The following FRK variants were observed in gnomAD, a reference collection of about 807,000 sequenced individuals.
The protein encoded by FRK is tyrosine-protein kinase FRK.
In FRK, 51 loss-of-function variants were observed where a neutral mutation model predicts 56.4. That is an observed-to-expected ratio of 0.90 (90% CI 0.72 to 1.14). The LOEUF is 1.14. Ranked by LOEUF, FRK falls within the 50% of genes most tolerant of loss-of-function variation. FRK has a pLI of 0.00. For synonymous variants in FRK, 245 were observed against 217.9 expected (o/e 1.12, Z -1.10); for missense variants, 570 against 601.4 (o/e 0.95, Z 0.55).
chr6:116,068,794 G>A, the FRK span, among the ~76,000 whole-genome samples: 2 of 151,412 alleles, frequency 1.3e-5, no homozygotes, highest in Admixed American at 6.6e-5. Flanking sequence ...TTTCTTTACT[G>A]ATCTGAGTTC....
chr6:116,082,542 A>C, the FRK span, among the ~76,000 whole-genome samples: 2 of 152,182 alleles, frequency 1.3e-5, no homozygotes, highest in Non-Finnish European at 2.9e-5. Context: ...GATTCTGGAT[A>C]TATGTTTAAA....
At position 115,958,644 on chromosome 6, in the gene FRK, A is replaced by AAAAG. The variant is rs1171075326; in HGVS notation, c.800-2038_800-2035dup. On this transcript the variant is annotated intron_variant, in intron 4 of 7. Transcript: ENST00000606080. ...CTCTGTCTCAAAAAAGGAAAGAAAG[A>AAAAG]AAAGAAAGAAAGAAAGAAAGAAAGA... Among the ~76,000 whole-genome samples the AAAAG allele has an allele frequency of 3.4e-3, 13 of 3,814 alleles. 1 individual carries two copies. Among genetic ancestry groups the AAAAG allele is most frequent in the African/African-American group, 8.0e-3 (11 of 1,376 alleles). 2.5% of individuals were successfully genotyped at this position (3,814 alleles called of 152,430 possible).
chr6:115,932,828 A>T lies in FRK; in HGVS notation c.*9586T>A. 6.6e-6 allele frequency: 1 copy of T among 152,330 alleles called. No individual in the cohort carries two copies. The allele number at this position is 152,330 out of a possible 1,614,324, so 9.4% of individuals were successfully genotyped here. ...TCCTTTAGGCCTCCACAGAGTCGGA[A>T]GAGTTTGGGCCCCTCCTGGTTCATT... On this transcript the variant is annotated 3_prime_UTR_variant, in exon 8 of 8. Coordinates refer to ENST00000606080, the MANE Select transcript of FRK (RefSeq NM_002031.3).
In FRK at chr6:116,046,176, G is replaced by A. The variant is rs182219373; in HGVS notation, c.344+13792C>T. Among the ~76,000 whole-genome samples, 140 of 152,314 alleles carry A rather than the reference G, an allele frequency of 9.2e-4. 2 individuals carry two copies. The South Asian group carries it at 0.013, about 14-fold the overall frequency. The stretch of plus-strand genomic sequence containing the variant: ...TGGAGAAATAGGAATGCTTTACACC[G>A]TTGGTGGGAGTCTACATTAGTTCAA... On this transcript the variant is annotated intron_variant, in intron 1 of 7. Transcript: ENST00000606080.
intron 2 of FRK, among the ~76,000 whole-genome samples, chr6:115,996,445 A>G (rs1183491785): frequency 6.6e-6 from 1 of 152,176 alleles, no homozygotes; most frequent in Admixed American, 6.6e-5. Flanking sequence ...TGGCAGAGAC[A>G]TAGAGGGTCA....
At chr6:116,052,396 C>T (rs1777213138) in intron 1 of FRK, among the ~76,000 whole-genome samples, 1 of 151,986 alleles carries the variant, frequency 6.6e-6, no homozygotes, top group African/African-American at 2.4e-5. Flanking sequence ...CTGTGGGCTG[C>T]TCTTTAAAAG....
At chr6:115,944,159 A>G in intron 6 of FRK, 85 bp downstream of exon 6, 1 of 1,121,914 alleles carries the variant, frequency 8.9e-7, no homozygotes, top group South Asian at 1.7e-5. Flanking sequence ...ACATTGTTTT[A>G]AAGAATAACA....
intron 1 of FRK, among the ~76,000 whole-genome samples, chr6:116,056,804 T>C (rs1349540576): frequency 6.6e-6 from 1 of 152,202 alleles, no homozygotes; most frequent in African/African-American, 2.4e-5. Context: ...TAAATTCAAG[T>C]CGAAGATAAG....
intron 1 of FRK, among the ~76,000 whole-genome samples, chr6:116,054,235 A>T (rs956784467): frequency 6.6e-6 from 1 of 150,586 alleles, no homozygotes; most frequent in African/African-American, 2.4e-5. Flanking sequence ...ATTTTACATC[A>T]TCATAAATAA....
In FRK at chr6:115,942,323, T is replaced by G. The variant is rs1772216225; in HGVS notation, c.*91A>C. The G allele has an allele frequency of 9.6e-7, 1 of 1,044,752 alleles. No homozygotes were observed. The highest frequency in any genetic ancestry group is 1.9e-5 in the Admixed American group (1 of 52,840). 64.7% of individuals were successfully genotyped at this position (1,044,752 alleles called of 1,614,324 possible). ...ATCACTTGAATATGTCAGGATAAAC[T>G]GATTGTGCAGTTGGTTGATAACATT... On this transcript the variant is annotated 3_prime_UTR_variant, in exon 8 of 8. Transcript: ENST00000606080.
chr6:116,030,896 G>A (rs1665900272), intron 1 of FRK, among the ~76,000 whole-genome samples: 1 of 152,134 alleles, frequency 6.6e-6, no homozygotes, highest in South Asian at 2.1e-4. Flanking sequence ...GGTATCTGCA[G>A]TAGAGGACAC....
chr6:116,093,981 T>C, the FRK span, among the ~76,000 whole-genome samples: 5 of 152,072 alleles, frequency 3.3e-5, no homozygotes, highest in African/African-American at 1.2e-4. Flanking sequence ...AGGAACAGGC[T>C]GAAAAGGAAA....
chr6:116,085,141 T>C, the FRK span, among the ~76,000 whole-genome samples: 1 of 152,124 alleles, frequency 6.6e-6, no homozygotes, highest in Non-Finnish European at 1.5e-5. Context: ...GCCTAGAGTA[T>C]TAGAATCATT....
At chr6:116,098,180 C>T in the FRK span, among the ~76,000 whole-genome samples, 1 of 148,598 alleles carries the variant, frequency 6.7e-6, no homozygotes, top group Non-Finnish European at 1.5e-5. Context: ...GGCCTGATTC[C>T]AGCCCACTGC....
At position 115,953,180 on chromosome 6, in the gene FRK, ATTTTT is replaced by A. The variant is rs1554224845; in HGVS notation, c.958+3267_958+3271del. Among the ~76,000 whole-genome samples the A allele has an allele frequency of 5.8e-5, 6 of 104,060 alleles. 2 individuals carry two copies. The East Asian group carries it at 1.8e-3, about 30-fold the overall frequency. The allele number at this position is 104,060 out of a possible 152,430, so 68.3% of individuals were successfully genotyped here. A position where few individuals can be genotyped will look rare whatever the true frequency, so the allele number is the denominator to read the frequency against. On this transcript the variant is annotated intron_variant, in intron 5 of 7. Coordinates refer to ENST00000606080, the MANE Select transcript of FRK (RefSeq NM_002031.3). ...AGAGTGGTACATCCATTTTAAGGCCATTTTTTTTTTTTTTTTTTTTTTTTTTTGAG... is the reference window on the plus strand; with the variant it reads ...AGAGTGGTACATCCATTTTAAGGCCATTTTTTTTTTTTTTTTTTTTTTGAG...
intron 1 of FRK, among the ~76,000 whole-genome samples, chr6:116,032,772 T>C (rs1242996724): frequency 1.3e-5 from 2 of 152,190 alleles, no homozygotes; most frequent in African/African-American, 2.4e-5. Flanking sequence ...TTTTATGTAA[T>C]AGCACCGCAG....
intron 1 of FRK, among the ~76,000 whole-genome samples, chr6:116,008,907 C>T (rs72950196): frequency 2.9e-3 from 436 of 152,294 alleles, no homozygotes; most frequent in Non-Finnish European, 4.1e-3. Flanking sequence ...CACATGAAAA[C>T]TTGTGTTAAA....
the FRK span, among the ~76,000 whole-genome samples, chr6:116,093,478 C>A: frequency 1.4e-4 from 22 of 152,266 alleles, no homozygotes; most frequent in African/African-American, 5.1e-4. Context: ...TTAGATCAAA[C>A]CCTGGCCTTT....
At chr6:115,971,456 T>A (rs1365302513) in intron 2 of FRK, among the ~76,000 whole-genome samples, 1 of 152,184 alleles carries the variant, frequency 6.6e-6, no homozygotes, top group East Asian at 1.9e-4. Flanking sequence ...AACACTGAAT[T>A]TGAAGGTAAC....
Sources: gnomAD v4.1 joint callset for allele counts (sites outside exome capture counted in the v4.1 genomes callset) on GRCh38, gnomAD v4.1.1 for gene constraint, MANE v1.5 for transcripts, NCBI Gene and HGNC (gene_info 2026-07-23, HGNC 2026-07-21) for gene names.